The following ROBO2 variants were observed in gnomAD, a reference collection of about 807,000 sequenced individuals.
ROBO2 encodes the protein roundabout homolog 2.
Under a neutral mutation model 160.8 loss-of-function variants are expected in ROBO2, and 53 were observed. The observed-to-expected ratio is 0.33, with a 90% CI of 0.26 to 0.41. The LOEUF is 0.41. Ranked by LOEUF, ROBO2 falls within the 10% of genes least tolerant of loss-of-function variation. The probability of loss-of-function intolerance (pLI) is 1.00; values close to 1 mark genes in which losing one functional copy is unlikely to be tolerated. For synonymous variants in ROBO2, 664 were observed against 611.7 expected, an observed-to-expected ratio of 1.09 and a Z score of -1.26; for missense variants, 1,577 against 1,722.4, an observed-to-expected ratio of 0.92 and a Z score of 1.49.
chr3:76,313,356 T>A (rs2107799648), intron 2 of ROBO2, among the ~76,000 whole-genome samples: 1 of 152,374 alleles, frequency 6.6e-6, no homozygotes, highest in African/African-American at 2.4e-5. Context: ...GTGTTATCTT[T>A]CAGTGGGTTG....
At chr3:76,978,468 C>G (rs1436651275) in intron 2 of ROBO2, among the ~76,000 whole-genome samples, 3 of 152,040 alleles carry the variant, frequency 2.0e-5, no homozygotes, top group Non-Finnish European at 2.9e-5. Context: ...ATTTGAGTGT[C>G]TTTTAACAAT....
chr3:77,523,137 G>A (rs1225628650), intron 6 of ROBO2, among the ~76,000 whole-genome samples: 2 of 151,146 alleles, frequency 1.3e-5, no homozygotes, highest in African/African-American at 2.4e-5. Flanking sequence ...ATGGTTTAAC[G>A]TTAATAGTTT....
chr3:77,293,723 T>C (rs1159091880), intron 2 of ROBO2, among the ~76,000 whole-genome samples: 26 of 137,466 alleles, frequency 1.9e-4, no homozygotes, highest in Non-Finnish European at 3.3e-4. Context: ...TAAAGTAAAA[T>C]TGATGGTTAA....
chr3:76,726,691 A>G (rs996776859), intron 2 of ROBO2, among the ~76,000 whole-genome samples: 1 of 152,154 alleles, frequency 6.6e-6, no homozygotes, highest in Non-Finnish European at 1.5e-5. Context: ...CCTTTCCTAA[A>G]GTTAACTCTT....
At chr3:76,030,754 G>A (rs908743144) in intron 2 of ROBO2, among the ~76,000 whole-genome samples, 9 of 152,138 alleles carry the variant, frequency 5.9e-5, no homozygotes, top group African/African-American at 1.9e-4. Flanking sequence ...GTACCATGCT[G>A]TTTTGGTTAC....
chr3:77,023,901 A>T (rs1168287010), intron 2 of ROBO2, among the ~76,000 whole-genome samples: 2 of 152,208 alleles, frequency 1.3e-5, no homozygotes, highest in South Asian at 2.1e-4. Flanking sequence ...GCATAATAAA[A>T]AATCCCTATC....
intron 2 of ROBO2, among the ~76,000 whole-genome samples, chr3:77,461,773 G>A (rs2082268503): frequency 1.3e-5 from 2 of 151,380 alleles, no homozygotes; most frequent in African/African-American, 4.9e-5. Context: ...CTGTTGCCAG[G>A]CTGGAGTGCA....
At chr3:77,096,822 A>G (rs1476051852) in intron 1 of ROBO2, among the ~76,000 whole-genome samples, 1 of 152,116 alleles carries the variant, frequency 6.6e-6, no homozygotes. Context: ...GGTACGATCT[A>G]TCTTTCTTTG....
At chr3:77,519,592 A>T (rs143120378) in intron 5 of ROBO2, among the ~76,000 whole-genome samples, 2 of 151,340 alleles carry the variant, frequency 1.3e-5, no homozygotes, top group African/African-American at 4.8e-5. Flanking sequence ...TTCCACTTAT[A>T]AGTGAGAACA....
At chr3:76,734,472 G>A (rs988847253) in intron 2 of ROBO2, among the ~76,000 whole-genome samples, 3 of 152,178 alleles carry the variant, frequency 2.0e-5, no homozygotes, top group African/African-American at 4.8e-5. Flanking sequence ...GCTTTTAAAT[G>A]TATAAACCCA....
intron 2 of ROBO2, among the ~76,000 whole-genome samples, chr3:76,412,059 C>A (rs770380017): frequency 5.9e-5 from 9 of 152,084 alleles, no homozygotes; most frequent in South Asian, 2.1e-4. Context: ...GGGGAGGCCT[C>A]AGAATCATGG....
At chr3:76,579,214 A>G (rs2085496589) in intron 2 of ROBO2, among the ~76,000 whole-genome samples, 2 of 152,112 alleles carry the variant, frequency 1.3e-5, no homozygotes, top group South Asian at 4.1e-4. Context: ...AAATCCTTTC[A>G]TTGGCTTCTT....
chr3:76,221,514 G>C (rs1013035609), intron 2 of ROBO2, among the ~76,000 whole-genome samples: 6 of 152,174 alleles, frequency 3.9e-5, no homozygotes, highest in South Asian at 4.1e-4. Flanking sequence ...CATTTTCCAC[G>C]CTTTGATTCC....
chr3:77,369,007 C>T (rs1288397343), intron 2 of ROBO2, among the ~76,000 whole-genome samples: 1 of 152,138 alleles, frequency 6.6e-6, no homozygotes, highest in Non-Finnish European at 1.5e-5. Context: ...GGGTTGCAAA[C>T]TCTCACTGCA....
chr3:76,272,939 TATATAAAA>T (rs1428762146), intron 2 of ROBO2, among the ~76,000 whole-genome samples: 40 of 25,034 alleles, frequency 1.6e-3, no homozygotes, highest in African/African-American at 3.1e-3. Flanking sequence ...TATATATAAA[TATATAAAA>T]TATATAATAT....
intron 2 of ROBO2, among the ~76,000 whole-genome samples, chr3:76,272,878 ATAT>A (rs1707596191): frequency 3.6e-5 from 2 of 55,484 alleles, no homozygotes; most frequent in African/African-American, 1.2e-4. Context: ...TATATAATAT[ATAT>A]TTATATATAA....
intron 2 of ROBO2, among the ~76,000 whole-genome samples, chr3:76,489,993 G>C (rs1330527599): frequency 6.6e-6 from 1 of 152,022 alleles, no homozygotes; most frequent in African/African-American, 2.4e-5. Context: ...TGTATTATTT[G>C]CTCTGCTCAT....
chr3:77,156,404 T>C (rs1441906591), intron 2 of ROBO2, among the ~76,000 whole-genome samples: 1 of 152,058 alleles, frequency 6.6e-6, no homozygotes. Context: ...GAATCCCAAG[T>C]ATCAGCTGGC....
At chr3:77,145,979 C>T (rs1579376141) in intron 2 of ROBO2, among the ~76,000 whole-genome samples, 1 of 152,296 alleles carries the variant, frequency 6.6e-6, no homozygotes, top group East Asian at 1.9e-4. Flanking sequence ...AGCACAGTTA[C>T]AGCCACTGCT....
Sources: allele counts gnomAD v4.1 joint callset (sites outside exome capture counted in the v4.1 genomes callset), GRCh38; gene constraint gnomAD v4.1.1; transcripts MANE v1.5; gene names NCBI Gene and HGNC (gene_info 2026-07-23, HGNC 2026-07-21).